NUMBL: variants seen among roughly 807,000 people sequenced by gnomAD.
The protein encoded by NUMBL is NUMB like endocytic adaptor protein.
A neutral mutation model predicts 48.9 loss-of-function variants in NUMBL; 20 were observed. The ratio of observed to expected loss-of-function variants is 0.41; its 90% CI spans 0.29 to 0.59. The LOEUF (loss-of-function observed/expected upper bound fraction) is 0.59, where lower values mean the gene tolerates loss of function less well. Ranked by LOEUF, NUMBL falls within the 20% of genes least tolerant of loss-of-function variation. The pLI, the probability that NUMBL is intolerant of heterozygous loss-of-function variation, is 0.31. For synonymous variants in NUMBL, 340 were observed against 348.7 expected, an observed-to-expected ratio of 0.98 and a Z score of 0.28; for missense variants, 660 against 846.2, an observed-to-expected ratio of 0.78 and a Z score of 2.73.
At chr19:40,671,842 G>A (rs768744334) in intron 8 of NUMBL, among the ~76,000 whole-genome samples, 26 of 151,970 alleles carry the variant, frequency 1.7e-4, no homozygotes, top group South Asian at 4.2e-4. Flanking sequence ...ACTCAGTAGC[G>A]TGCCACCTCT....
intron 8 of NUMBL, among the ~76,000 whole-genome samples, chr19:40,671,212 C>G (rs537622185): frequency 6.6e-6 from 1 of 152,156 alleles, no homozygotes; most frequent in East Asian, 1.9e-4. Context: ...CTCCTGAGCT[C>G]AAGTGATCCT....
rs1304478644 is a variant in NUMBL, at chr19:40,687,015, G to A, written c.25-20C>T. ...TCCGCCCTGCCCGAGTAGGGGAGGAGAAGGTGAGAAGTTTGTCTGGGTTGG... is the reference window on the plus strand; with the variant it reads ...TCCGCCCTGCCCGAGTAGGGGAGGAAAAGGTGAGAAGTTTGTCTGGGTTGG... On this transcript the variant is annotated intron_variant, in intron 1 of 9. Transcript: ENST00000252891. This position sits in a 1 kb window ranked among gnomAD's most constrained non-coding sequence, Gnocchi z 4.6. The A allele has an allele frequency of 6.9e-7, 1 of 1,445,152 alleles. No individual in the cohort carries two copies. Among genetic ancestry groups the A allele is most frequent in the Non-Finnish European group, 9.2e-7 (1 of 1,089,000 alleles). The allele number at this position is 1,445,152 out of a possible 1,614,324, so 89.5% of individuals were successfully genotyped here.
chr19:40,671,462 G>T (rs1037098588), intron 8 of NUMBL, among the ~76,000 whole-genome samples: 11 of 152,182 alleles, frequency 7.2e-5, no homozygotes, highest in Non-Finnish European at 1.6e-4. Context: ...ACAGGAGTGT[G>T]AGGCTTCCAA....
At chr19:40,685,871 T>TG (rs1199362891) in intron 2 of NUMBL, 2 of 153,056 alleles carry the variant, frequency 1.3e-5, no homozygotes, top group African/African-American at 4.8e-5. Flanking sequence ...TGTGGGTGTG[T>TG]GGGTATTGCA....
intron 2 of NUMBL, chr19:40,686,045 T>G (rs2081932598): frequency 6.5e-6 from 1 of 153,008 alleles, no homozygotes; most frequent in Non-Finnish European, 1.5e-5. Context: ...TACACAACCG[T>G]AGCTCCCTGT....
At chr19:40,684,389 C>T in intron 3 of NUMBL, 28 bp downstream of exon 3, 10 of 1,539,614 alleles carry the variant, frequency 6.5e-6, no homozygotes, top group Non-Finnish European at 8.7e-6. Flanking sequence ...TCCCCCTCGC[C>T]CCGCCGCACC....
rs1479786146 is a variant in NUMBL, at chr19:40,684,700, A to C, written c.110-144T>G. ...GTTACAGGGTCAGTTGGCAGCGCAC[A>C]TGGGATCAGCAGCTCAAGTCAGGGG... On this transcript the variant is annotated intron_variant, in intron 2 of 9. Transcript: ENST00000252891. 14 of 1,156,304 alleles carry C rather than the reference A, an allele frequency of 1.2e-5. No homozygotes were observed. In the South Asian group the frequency reaches 2.3e-4, roughly 19 times the overall value. The allele number at this position is 1,156,304 out of a possible 1,614,324, so 71.6% of individuals were successfully genotyped here.
At chr19:40,678,702 T>C (rs1271164260) in intron 6 of NUMBL, among the ~76,000 whole-genome samples, 8 of 152,140 alleles carry the variant, frequency 5.3e-5, no homozygotes, top group Admixed American at 4.6e-4. Context: ...AAGACAATCA[T>C]ATCTTTCGCT....
chr19:40,674,652 A>G (rs2081865261), intron 7 of NUMBL, among the ~76,000 whole-genome samples: 1 of 152,192 alleles, frequency 6.6e-6, no homozygotes, highest in African/African-American at 2.4e-5. Flanking sequence ...GGCCCAAGGC[A>G]GTGGAAACAG....
intron 1 of NUMBL, among the ~76,000 whole-genome samples, chr19:40,689,041 A>G (rs2081948296): frequency 6.6e-6 from 1 of 152,120 alleles, no homozygotes; most frequent in African/African-American, 2.4e-5. Context: ...GGTGTGTGTC[A>G]CTCACGTATA....
chr19:40,672,552 C>CT (rs2081853700), intron 8 of NUMBL, among the ~76,000 whole-genome samples: 1 of 152,234 alleles, frequency 6.6e-6, no homozygotes, highest in Non-Finnish European at 1.5e-5. Context: ...TCTGAGCTCA[C>CT]TGGTGCCCTG....
At chr19:40,669,862 T>C (rs747396155) in intron 9 of NUMBL, 36 bp downstream of exon 9, 1 of 1,604,830 alleles carries the variant, frequency 6.2e-7, no homozygotes, top group Non-Finnish European at 8.5e-7. Flanking sequence ...AGGAGGGACA[T>C]GCAGGGTGTC....
At chr19:40,683,607 G>A (rs1342221129) in intron 3 of NUMBL, among the ~76,000 whole-genome samples, 1 of 152,192 alleles carries the variant, frequency 6.6e-6, no homozygotes, top group Non-Finnish European at 1.5e-5. Context: ...CAGCCAGGAA[G>A]GGGCTGAGCT....
Position 40,686,946 on chromosome 19 carries a change from GC to G in NUMBL, c.73del (p.Ala25ProfsTer18). 6.5e-7 allele frequency: 1 copy of G among 1,544,754 alleles called. No individual in the cohort carries two copies. Among genetic ancestry groups the G allele is most frequent in the Non-Finnish European group, 8.7e-7 (1 of 1,144,002 alleles). On this transcript the variant is annotated frameshift_variant, in exon 2 of 10. Coordinates refer to ENST00000252891, the MANE Select transcript of NUMBL (RefSeq NM_004756.5). LOFTEE classifies it high-confidence loss of function. Reference sequence around the variant, plus strand: ...CCTGCAGGTTTCTGGGGGCCCCGGGGCCCCACAGGGGGCTGGGGGCAGGTGC... The same window carrying G: ...CCTGCAGGTTTCTGGGGGCCCCGGGGCCCACAGGGGGCTGGGGGCAGGTGC... ...ERHLPPAPCG[A>X]PGPPETCRTE...
intron 8 of NUMBL, among the ~76,000 whole-genome samples, chr19:40,670,288 C>G (rs888739280): frequency 6.6e-6 from 1 of 152,158 alleles, no homozygotes; most frequent in Non-Finnish European, 1.5e-5. Flanking sequence ...GGCCACAAAC[C>G]AGAAGAGTTG....
In NUMBL at chr19:40,688,929, C is replaced by G. The variant is rs574670707; in HGVS notation, c.24+1531G>C. ...ACACACTCAGACATGGTTCTGCATA[C>G]GCAACCACTGTCATACACAATACTG... is the stretch of plus-strand genomic sequence containing the variant. On this transcript the variant is annotated intron_variant, in intron 1 of 9. Coordinates refer to ENST00000252891, the MANE Select transcript of NUMBL (RefSeq NM_004756.5). This position sits in a 1 kb window ranked among gnomAD's most constrained non-coding sequence, Gnocchi z 4.6. Among the ~76,000 whole-genome samples, 1 of 152,190 alleles carries G rather than the reference C, an allele frequency of 6.6e-6. No individual in the cohort carries two copies. The highest frequency in any genetic ancestry group is 2.4e-5 in the African/African-American group (1 of 41,424).
chr19:40,668,519 C>T (rs2561550), intron 9 of NUMBL, among the ~76,000 whole-genome samples: 1 of 152,120 alleles, frequency 6.6e-6, no homozygotes, highest in African/African-American at 2.4e-5. Context: ...CCCAGGGATG[C>T]CCTATCTGGG....
In NUMBL at chr19:40,682,989, G is replaced by GT. The variant is rs1555753705; in HGVS notation, c.250-22_250-21insA. On this transcript the variant is annotated intron_variant, in intron 3 of 9. Coordinates refer to ENST00000252891, the MANE Select transcript of NUMBL (RefSeq NM_004756.5). This position sits in a 1 kb window ranked among gnomAD's most constrained non-coding sequence, Gnocchi z 4.0. Reference sequence around the variant, plus strand: ...AGGTACTTGGGTTGGAGGGAATGGGGGGGGGGACATGAAACAGCACAGTAA... The same window carrying GT: ...AGGTACTTGGGTTGGAGGGAATGGGGTGGGGGGACATGAAACAGCACAGTAA... 8 of 1,609,584 alleles carry GT rather than the reference G, an allele frequency of 5.0e-6. No homozygotes were observed. The highest frequency in any genetic ancestry group is 6.0e-6 in the Non-Finnish European group (7 of 1,176,312).
At chr19:40,671,436 A>G (rs566387794) in intron 8 of NUMBL, among the ~76,000 whole-genome samples, 36 of 152,150 alleles carry the variant, frequency 2.4e-4, no homozygotes, top group Non-Finnish European at 4.4e-4. Flanking sequence ...ACATCCAAAT[A>G]AGCGTGCAGC....
Sources: gnomAD v4.1 joint callset for allele counts (sites outside exome capture counted in the v4.1 genomes callset) on GRCh38, gnomAD v4.1.1 for gene constraint, Gnocchi (gnomAD v3.1) non-coding constraint, MANE v1.5 for transcripts, NCBI Gene and HGNC (gene_info 2026-07-23, HGNC 2026-07-21) for gene names.